Variants in CAD observed in about 807,000 individuals in gnomAD.
CAD encodes multifunctional protein CAD.
Under a neutral mutation model 237.2 loss-of-function variants are expected in CAD, and 81 were observed. The observed-to-expected ratio is 0.34, with a 90% confidence interval of 0.29 to 0.41. The LOEUF (loss-of-function observed/expected upper bound fraction) is 0.41, where lower values mean the gene tolerates loss of function less well. Among genes scored for constraint, CAD ranks in the 10% least tolerant of loss-of-function variants. The pLI is 1.00. For synonymous variants in CAD, 1,196 were observed against 1,162.8 expected (o/e 1.03, Z -0.58); for missense variants, 2,181 against 2,951.7 (o/e 0.74, Z 6.05).
chr2:27,240,723 C>T lies in CAD; in HGVS notation c.5594-188C>T, dbSNP rs1418863819. The stretch of plus-strand genomic sequence containing the variant: ...AGGGCACCACTGCTCCCATACAACA[C>T]AGCCCCATGGGAAGCCACCTGTCTG... On this transcript the variant is annotated intron_variant, in intron 35 of 43. Coordinates refer to ENST00000264705, the MANE Select transcript of CAD (RefSeq NM_004341.5). The surrounding 1 kb of genome is among the most constrained non-coding windows in gnomAD (Gnocchi z 4.6). 1.5e-6 allele frequency: 2 copies of T among 1,293,912 alleles called. No homozygotes were observed. The highest frequency in any genetic ancestry group is 1.5e-5 in the African/African-American group (1 of 68,244). 80.2% of individuals were successfully genotyped at this position (1,293,912 alleles called of 1,614,324 possible).
At chr2:27,218,448 G>A (rs1373392820) in intron 2 of CAD, among the ~76,000 whole-genome samples, 2 of 152,182 alleles carry the variant, frequency 1.3e-5, no homozygotes, top group African/African-American at 2.4e-5. Context: ...GTTTGGTAAA[G>A]GATCCATTGA....
chr2:27,221,982 T>C (rs1333557291), intron 3 of CAD, among the ~76,000 whole-genome samples: 1 of 150,856 alleles, frequency 6.6e-6, no homozygotes, highest in East Asian at 1.9e-4. Context: ...TTTCTATAAA[T>C]GGATAGATTT....
At position 27,235,861 on chromosome 2, in the gene CAD, G is replaced by C; in HGVS notation, c.4074+221G>C. 1 of 487,374 alleles carries C rather than the reference G, an allele frequency of 2.1e-6. No homozygotes were observed. The highest frequency in any genetic ancestry group is 3.1e-5 in the South Asian group (1 of 32,546). 30.2% of individuals were successfully genotyped at this position (487,374 alleles called of 1,614,324 possible). A position where few individuals can be genotyped will look rare whatever the true frequency, so the allele number is the denominator to read the frequency against. On this transcript the variant is annotated intron_variant, in intron 25 of 43. Transcript: ENST00000264705. This position sits in a 1 kb window ranked among gnomAD's most constrained non-coding sequence, Gnocchi z 5.2. ...ACTGCACTCCAGCTTGGGAAACAGTGAGATGCTGTCTCAAAAAAAAAAAAA... is the reference window on the plus strand; with the variant it reads ...ACTGCACTCCAGCTTGGGAAACAGTCAGATGCTGTCTCAAAAAAAAAAAAA...
chr2:27,217,704 T>G (rs1394906443), intron 1 of CAD, 71 bp downstream of exon 1: 22 of 1,439,306 alleles, frequency 1.5e-5, no homozygotes, highest in Non-Finnish European at 1.5e-5. Context: ...ACCTTCCCCG[T>G]CCAGACCCCG....
chr2:27,223,947 C>T lies in CAD; in HGVS notation c.1026C>T (p.Gly342=). The part of the protein sequence containing the change: ...SVQFHPEHQA[G]PSDMELLFDI... ...AGTTTCACCCAGAGCACCAAGCTGGCCCTTCAGATATGGAACTGCTTTTCG... is the reference window on the plus strand; with the variant it reads ...AGTTTCACCCAGAGCACCAAGCTGGTCCTTCAGATATGGAACTGCTTTTCG... The change falls in exon 8 of 44, where the codon GGC becomes GGT. Residue 342 remains glycine, a synonymous_variant. Transcript: ENST00000264705. 6.2e-7 allele frequency: 1 copy of T among 1,613,772 alleles called. No homozygotes were observed. The highest frequency in any genetic ancestry group is 8.5e-7 in the Non-Finnish European group (1 of 1,179,690).
rs1270960913 is a variant in CAD, at chr2:27,226,531, A to G, written c.2038A>G (p.Ile680Val). The G allele has an allele frequency of 1.1e-5, 17 of 1,613,990 alleles. No individual in the cohort carries two copies. Among genetic ancestry groups the G allele is most frequent in the South Asian group, 5.5e-5 (5 of 91,092 alleles). ...ALNPESEQYY[I>V]IEVNARLSRS... Reference sequence around the variant, plus strand: ...TTATTCTCCTTCTTTGCAGTATTACATCATTGAAGTGAATGCCAGGCTCTC... The same window carrying G: ...TTATTCTCCTTCTTTGCAGTATTACGTCATTGAAGTGAATGCCAGGCTCTC... The change falls in exon 14 of 44, where the codon ATC becomes GTC. Residue 680 changes from isoleucine (I) to valine (V), a missense_variant. Ile to Val is a conservative substitution (Grantham distance 29). Around this residue, in one of 12 missense-constraint regions of CAD, gnomAD observed 385 missense variants for 535.1 expected, o/e 0.72. Coordinates refer to ENST00000264705, the MANE Select transcript of CAD (RefSeq NM_004341.5).
intron 15 of CAD, among the ~76,000 whole-genome samples, chr2:27,229,213 C>G (rs1005055617): frequency 6.6e-6 from 1 of 151,952 alleles, no homozygotes; most frequent in Admixed American, 6.6e-5. Context: ...TCACCATGCC[C>G]GGCCGACCCT....
At chr2:27,221,135 A>AG (rs1675145309) in intron 2 of CAD, 83 bp from the exon 3 acceptor site, 1 of 1,222,462 alleles carries the variant, frequency 8.2e-7, no homozygotes, top group Non-Finnish European at 1.1e-6. Flanking sequence ...GGCTGAATAT[A>AG]GGGTCTGTGG....
chr2:27,223,363 G>T (rs1376371550), intron 6 of CAD, among the ~76,000 whole-genome samples, 200 bp from the exon 7 acceptor site: 2 of 151,896 alleles, frequency 1.3e-5, no homozygotes, highest in Non-Finnish European at 2.9e-5. Context: ...CCTGGGAGGT[G>T]GAGGTTGCAG....
chr2:27,242,594 C>T lies in CAD; in HGVS notation c.6223-26C>T. 6.3e-7 allele frequency: 1 copy of T among 1,578,236 alleles called. No individual in the cohort carries two copies. Among genetic ancestry groups the T allele is most frequent in the Non-Finnish European group, 8.6e-7 (1 of 1,158,032 alleles). On this transcript the variant is annotated intron_variant, in intron 40 of 43. Transcript: ENST00000264705. This position sits in a 1 kb window ranked among gnomAD's most constrained non-coding sequence, Gnocchi z 6.4. ...TCGGGGGGCACTCAGTCTGGGATCCCTGTGGTGACTGGATTCCTCTCCTAG... is the reference window on the plus strand; with the variant it reads ...TCGGGGGGCACTCAGTCTGGGATCCTTGTGGTGACTGGATTCCTCTCCTAG...
In CAD at chr2:27,239,033, T is replaced by G; in HGVS notation, c.5063-9T>G. The G allele has an allele frequency of 6.5e-7, 1 of 1,540,640 alleles. No individual in the cohort carries two copies. Among genetic ancestry groups the G allele is most frequent in the East Asian group, 2.3e-5 (1 of 44,356 alleles). On this transcript the variant is annotated splice_polypyrimidine_tract_variant and intron_variant, in intron 31 of 43. Transcript: ENST00000264705. The surrounding 1 kb of genome is among the most constrained non-coding windows in gnomAD (Gnocchi z 4.0). ...TTGGTCCTGAGGGTAATGGCTTTCT[T>G]TCTCCCAGCTCCCCATACCTTGGAG... is the stretch of plus-strand genomic sequence containing the variant.
Position 27,223,550 on chromosome 2 carries a change from C to T in CAD, c.810-13C>T, listed in dbSNP as rs1374664204. On this transcript the variant is annotated splice_polypyrimidine_tract_variant and intron_variant, in intron 6 of 43. Coordinates refer to ENST00000264705, the MANE Select transcript of CAD (RefSeq NM_004341.5). ...TGAGCAGGGCCTGTGACTCGGCATGCTTCTACCTCCAGATATGGGAACCGA... is the reference window on the plus strand; with the variant it reads ...TGAGCAGGGCCTGTGACTCGGCATGTTTCTACCTCCAGATATGGGAACCGA... 6.2e-7 allele frequency: 1 copy of T among 1,611,192 alleles called. No individual in the cohort carries two copies. Among genetic ancestry groups the T allele is most frequent in the Non-Finnish European group, 8.5e-7 (1 of 1,179,322 alleles).
In CAD at chr2:27,239,839, C is replaced by A; in HGVS notation, c.5496+41C>A. On this transcript the variant is annotated intron_variant, in intron 34 of 43. Coordinates refer to ENST00000264705, the MANE Select transcript of CAD (RefSeq NM_004341.5). This position sits in a 1 kb window ranked among gnomAD's most constrained non-coding sequence, Gnocchi z 4.0. ...GGCTAGGGGGCTGGGAGGTGTTAGT[C>A]TCAGGGCAGGATGAACAGCTTGAAC... is the stretch of plus-strand genomic sequence containing the variant. The A allele has an allele frequency of 1.4e-6, 2 of 1,379,816 alleles. No homozygotes were observed. Among genetic ancestry groups the A allele is most frequent in the East Asian group, 2.3e-5 (1 of 42,686 alleles). 85.5% of individuals were successfully genotyped at this position (1,379,816 alleles called of 1,614,324 possible).
chr2:27,222,323 A>C lies in CAD; in HGVS notation c.482A>C (p.Glu161Ala), dbSNP rs1407553031. The change falls in exon 4 of 44, where the codon GAG becomes GCG. Residue 161 changes from glutamate (E) to alanine (A), a missense_variant. Transcript: ENST00000264705. Reference sequence around the variant, plus strand: ...CCCAATGCCCGCCCCCTGGTACCAGAGGTCTCCATTAAGGTACAGAGGTAG... The same window carrying C: ...CCCAATGCCCGCCCCCTGGTACCAGCGGTCTCCATTAAGGTACAGAGGTAG... ...LDPNARPLVP[E>A]VSIKTPRVFN... The C allele has an allele frequency of 6.2e-6, 10 of 1,612,290 alleles. No homozygotes were observed. Among genetic ancestry groups the C allele is most frequent in the Non-Finnish European group, 8.5e-6 (10 of 1,178,672 alleles).
intron 2 of CAD, 53 bp downstream of exon 2, chr2:27,218,069 A>G: frequency 6.0e-6 from 9 of 1,500,094 alleles, no homozygotes; most frequent in Non-Finnish European, 7.2e-6. Flanking sequence ...GTAATTGTTA[A>G]CTATTAGTGA....
At chr2:27,226,410 A>T in intron 13 of CAD, 91 bp downstream of exon 13, 1 of 1,544,500 alleles carries the variant, frequency 6.5e-7, no homozygotes, top group South Asian at 1.2e-5. Flanking sequence ...TTTTGGGCTT[A>T]CAGTCCCTGG....
chr2:27,217,821 C>T lies in CAD; in HGVS notation c.83-56C>T, dbSNP rs1368103843. ...CCTCCACTGGGGCGTGCTCATCGCG[C>T]GGGGAGTGTTCCGAAGGGTGCCCTA... On this transcript the variant is annotated intron_variant, in intron 1 of 43. Transcript: ENST00000264705. The T allele has an allele frequency of 5.2e-6, 8 of 1,535,902 alleles. No homozygotes were observed. In the Admixed American group the frequency reaches 6.0e-5, roughly 11 times the overall value.
In CAD at chr2:27,224,178, A is replaced by C. The variant is rs1027450138; in HGVS notation, c.1108+149A>C. 4.4e-6 allele frequency: 4 copies of C among 909,826 alleles called. No homozygotes were observed. In the Admixed American group the frequency reaches 7.2e-5, roughly 16 times the overall value. 56.4% of individuals were successfully genotyped at this position (909,826 alleles called of 1,614,324 possible). A position where few individuals can be genotyped will look rare whatever the true frequency, so the allele number is the denominator to read the frequency against. ...TGGCAACCAACCCAAGATACCGTTT[A>C]AGCTTCTGTTGAAAGGAACTCCAGG... On this transcript the variant is annotated intron_variant, in intron 8 of 43. Coordinates refer to ENST00000264705, the MANE Select transcript of CAD (RefSeq NM_004341.5).
chr2:27,224,451 C>T lies in CAD; in HGVS notation c.1215C>T (p.Ser405=), dbSNP rs772895706. 2 of 1,614,154 alleles carry T rather than the reference C, an allele frequency of 1.2e-6. No homozygotes were observed. The highest frequency in any genetic ancestry group is 2.2e-5 in the South Asian group (2 of 91,086). The part of the protein sequence containing the change: ...KVLILGSGGL[S]IGQAGEFDYS... Reference sequence around the variant, plus strand: ...TGATCCTGGGCTCAGGGGGCCTCTCCATTGGCCAAGCTGGAGAATTTGACT... The same window carrying T: ...TGATCCTGGGCTCAGGGGGCCTCTCTATTGGCCAAGCTGGAGAATTTGACT... Residue 405 remains serine (S), a synonymous_variant, in exon 9 of 44, where the codon TCC becomes TCT. Transcript: ENST00000264705.
Sources: allele counts gnomAD v4.1 joint callset (sites outside exome capture counted in the v4.1 genomes callset), GRCh38; gene constraint gnomAD v4.1.1; regional missense constraint gnomAD v4.1.1; non-coding constraint Gnocchi (gnomAD v3.1); transcripts MANE v1.5; gene names NCBI Gene and HGNC (gene_info 2026-07-23, HGNC 2026-07-21).